Variants in PDGFC observed in about 807,000 individuals in gnomAD.
PDGFC encodes platelet-derived growth factor C.
A neutral mutation model predicts 35.5 loss-of-function variants in PDGFC; 12 were observed. The observed-to-expected ratio is 0.34, with a 90% CI of 0.22 to 0.55. The LOEUF (loss-of-function observed/expected upper bound fraction) is 0.55, where lower values mean the gene tolerates loss of function less well. PDGFC is among the 20% of genes least tolerant of loss of function. The pLI is 0.91. For missense variants in PDGFC, 322 were observed against 412.4 expected, an observed-to-expected ratio of 0.78 and a Z score of 1.90; for synonymous variants, 159 against 148.8, an observed-to-expected ratio of 1.07 and a Z score of -0.50.
intron 5 of PDGFC, among the ~76,000 whole-genome samples, chr4:156,764,117 A>T (rs1730455444): frequency 6.6e-6 from 1 of 152,236 alleles, no homozygotes; most frequent in Non-Finnish European, 1.5e-5. Flanking sequence ...ACAAAATAAT[A>T]TGAAATTTTC....
At chr4:156,783,254 G>T (rs1034278556) in intron 3 of PDGFC, among the ~76,000 whole-genome samples, 1 of 152,124 alleles carries the variant, frequency 6.6e-6, no homozygotes, top group African/African-American at 2.4e-5. Context: ...GGTCTGATTG[G>T]GAAGGCTTTG....
At chr4:156,836,225 G>T (rs1398616023) in intron 2 of PDGFC, among the ~76,000 whole-genome samples, 2 of 152,198 alleles carry the variant, frequency 1.3e-5, no homozygotes, top group Non-Finnish European at 2.9e-5. Context: ...CTCACCAATT[G>T]TTCTTAAGCC....
chr4:156,763,052 T>C lies in PDGFC; in HGVS notation c.*38A>G, dbSNP rs747638753. ...TCTCTAATAGAATCAGCCACTGCAC[T>C]GCACAGCTCTGGGCAAGAGCTGCTG... On this transcript the variant is annotated 3_prime_UTR_variant, in exon 6 of 6. Transcript: ENST00000502773. 2 of 1,054,394 alleles carry C rather than the reference T, an allele frequency of 1.9e-6. No individual in the cohort carries two copies. The highest frequency in any genetic ancestry group is 2.4e-5 in the East Asian group (1 of 42,272). The allele number at this position is 1,054,394 out of a possible 1,614,324, so 65.3% of individuals were successfully genotyped here. A position where few individuals can be genotyped will look rare whatever the true frequency, so the allele number is the denominator to read the frequency against.
intron 3 of PDGFC, among the ~76,000 whole-genome samples, chr4:156,784,064 G>A (rs1415181016): frequency 6.6e-6 from 1 of 152,168 alleles, no homozygotes; most frequent in Non-Finnish European, 1.5e-5. Flanking sequence ...GAGGTGTATT[G>A]ACACGCATAT....
rs61505882 is a variant in PDGFC, at chr4:156,851,930, C to CAAAAAAAAAAAAAAAAAA, written c.119-1532_119-1515dup. On this transcript the variant is annotated intron_variant, in intron 1 of 5. Coordinates refer to ENST00000502773, the MANE Select transcript of PDGFC (RefSeq NM_016205.3). ...TGGGCGACAGAATGAGACTCCATCTCAAAAAAAAAAAAAAAAAAAAAAAAA... is the reference window on the plus strand; with the variant it reads ...TGGGCGACAGAATGAGACTCCATCTCAAAAAAAAAAAAAAAAAAAAAAAAAAAAAAAAAAAAAAAAAAA... 6.7e-4 allele frequency among the ~76,000 whole-genome samples: 32 copies of CAAAAAAAAAAAAAAAAAA among 47,848 alleles called. 2 individuals are homozygous for CAAAAAAAAAAAAAAAAAA. Among genetic ancestry groups the CAAAAAAAAAAAAAAAAAA allele is most frequent in the Middle Eastern group, 0.014 (1 of 74 alleles). The allele number at this position is 47,848 out of a possible 152,430, so 31.4% of individuals were successfully genotyped here.
At chr4:156,771,281 C>CA (rs1730685680) in intron 4 of PDGFC, among the ~76,000 whole-genome samples, 1 of 152,076 alleles carries the variant, frequency 6.6e-6, no homozygotes, top group South Asian at 2.1e-4. Flanking sequence ...AATCAGCTGT[C>CA]AAAAAACTAG....
At chr4:156,829,977 C>G (rs769227208) in intron 2 of PDGFC, among the ~76,000 whole-genome samples, 1 of 151,950 alleles carries the variant, frequency 6.6e-6, no homozygotes, top group Non-Finnish European at 1.5e-5. Flanking sequence ...TACTACTTCA[C>G]TAATTTAATA....
chr4:156,880,797 A>T, intron 1 of PDGFC, among the ~76,000 whole-genome samples: 1 of 152,172 alleles, frequency 6.6e-6, no homozygotes, highest in Non-Finnish European at 1.5e-5. Context: ...GAGCCTGAAG[A>T]CGTAAGTGAA....
intron 1 of PDGFC, among the ~76,000 whole-genome samples, chr4:156,925,337 A>G (rs944946056): frequency 6.6e-6 from 1 of 152,258 alleles, no homozygotes; most frequent in East Asian, 1.9e-4. Context: ...CATGAGTGGA[A>G]GCAAACAATT....
chr4:156,779,575 G>A (rs192469117), intron 3 of PDGFC, among the ~76,000 whole-genome samples: 2 of 152,316 alleles, frequency 1.3e-5, no homozygotes, highest in Non-Finnish European at 2.9e-5. Flanking sequence ...AAGGCCATGA[G>A]TTTCATGGTT....
intron 2 of PDGFC, among the ~76,000 whole-genome samples, chr4:156,846,336 T>C (rs975120692): frequency 6.6e-6 from 1 of 151,752 alleles, no homozygotes; most frequent in Admixed American, 6.6e-5. Context: ...ACAAAGAGCA[T>C]TCTGGCCAAT....
rs145652117 is a variant in PDGFC at position 156,856,110 on chromosome 4, C to T, written c.119-5694G>A. Among the ~76,000 whole-genome samples the T allele has an allele frequency of 9.5e-4, 144 of 152,142 alleles. 2 individuals carry two copies. Among genetic ancestry groups the T allele is most frequent in the African/African-American group, 3.2e-3 (133 of 41,530 alleles). ...TAGTTTCTGCTTTATCATCATTTCC[C>T]ATATCTTTAAGACAAATAGCACAAT... On this transcript the variant is annotated intron_variant, in intron 1 of 5. Coordinates refer to ENST00000502773, the MANE Select transcript of PDGFC (RefSeq NM_016205.3).
At chr4:156,875,131 A>G (rs1730081943) in intron 1 of PDGFC, among the ~76,000 whole-genome samples, 1 of 152,220 alleles carries the variant, frequency 6.6e-6, no homozygotes, top group African/African-American at 2.4e-5. Flanking sequence ...AAAATAATTG[A>G]TGAGTGAAAG....
At chr4:156,778,169 G>T in intron 3 of PDGFC, 1 of 361,842 alleles carries the variant, frequency 2.8e-6, no homozygotes, top group Non-Finnish European at 5.8e-6. Flanking sequence ...TGTGAGGTGA[G>T]CACTATTAAC....
intron 1 of PDGFC, among the ~76,000 whole-genome samples, chr4:156,904,523 T>C (rs1730868434): frequency 6.6e-6 from 1 of 152,098 alleles, no homozygotes; most frequent in South Asian, 2.1e-4. Context: ...CTCGAAACAC[T>C]AGTTCCCTCA....
At chr4:156,776,082 ACT>A (rs763560444) in intron 3 of PDGFC, among the ~76,000 whole-genome samples, 2 of 152,122 alleles carry the variant, frequency 1.3e-5, no homozygotes, top group East Asian at 1.9e-4. Context: ...GTTTAAAGGG[ACT>A]CTCAGAGAGA....
intron 1 of PDGFC, among the ~76,000 whole-genome samples, chr4:156,867,282 C>G (rs186446814): frequency 2.1e-4 from 32 of 152,266 alleles, no homozygotes; most frequent in Admixed American, 1.4e-3. Context: ...GGGCATACAA[C>G]CTGCAGCCAG....
At chr4:156,962,944 G>A (rs192234416) in intron 1 of PDGFC, among the ~76,000 whole-genome samples, 25 of 152,230 alleles carry the variant, frequency 1.6e-4, no homozygotes, top group Non-Finnish European at 2.4e-4. Flanking sequence ...TCTAAATCCT[G>A]CTGCTCCCAG....
intron 1 of PDGFC, among the ~76,000 whole-genome samples, chr4:156,854,764 A>G (rs573321652): frequency 6.6e-6 from 1 of 152,248 alleles, no homozygotes; most frequent in African/African-American, 2.4e-5. Context: ...AGAATATTTT[A>G]TTGAACATTT....
Sources: gnomAD v4.1 joint callset for allele counts (sites outside exome capture counted in the v4.1 genomes callset) on GRCh38, gnomAD v4.1.1 for gene constraint, MANE v1.5 for transcripts, NCBI Gene and HGNC (gene_info 2026-07-23, HGNC 2026-07-21) for gene names.